Variants in PCDHA6 observed in about 807,000 individuals in gnomAD.
The protein encoded by PCDHA6 is protocadherin alpha 6, also known as protocadherin alpha-6.
Under a neutral mutation model 60.3 loss-of-function variants are expected in PCDHA6, and 55 were observed. The ratio of observed to expected loss-of-function variants is 0.91; its 90% CI spans 0.73 to 1.14. The LOEUF is 1.14. Ranked by LOEUF, PCDHA6 falls within the 50% of genes most tolerant of loss-of-function variation. PCDHA6 has a pLI of 0.00. For synonymous variants in PCDHA6, 652 were observed against 557.9 expected (o/e 1.17, Z -2.38); for missense variants, 1,327 against 1,256.5 (o/e 1.06, Z -0.85).
intron 3 of PCDHA6, among the ~76,000 whole-genome samples, chr5:141,001,985 G>A (rs536683790): frequency 6.6e-5 from 10 of 152,194 alleles, no homozygotes; most frequent in Non-Finnish European, 1.5e-4. Flanking sequence ...GGAAAGCCTG[G>A]AAGTTCACTT....
chr5:140,987,904 G>A (rs115515462), intron 3 of PCDHA6, among the ~76,000 whole-genome samples: 1 of 151,734 alleles, frequency 6.6e-6, no homozygotes, highest in African/African-American at 2.4e-5. Context: ...TTTTATATGG[G>A]GATTTATATT....
chr5:140,940,045 G>T (rs2092536047), intron 1 of PCDHA6, among the ~76,000 whole-genome samples: 1 of 152,038 alleles, frequency 6.6e-6, no homozygotes, highest in African/African-American at 2.4e-5. Flanking sequence ...TATTTTATTA[G>T]ATTCTTAACC....
At chr5:141,006,216 A>T (rs6897376) in intron 3 of PCDHA6, among the ~76,000 whole-genome samples, 45,154 of 145,800 alleles carry the variant, frequency 0.31, 6,982 homozygotes, top group East Asian at 0.44. Context: ...ATTTTTTTTT[A>T]AATTTTTTAT....
chr5:140,926,358 A>C (rs1157995876), intron 1 of PCDHA6: 1 of 152,230 alleles, frequency 6.6e-6, no homozygotes, highest in Non-Finnish European at 1.5e-5. Context: ...CGGCTCCCAA[A>C]GGGCGGCAGG....
At position 140,850,257 on chromosome 5, in the gene PCDHA6, G is replaced by A. The variant is rs1371110095; in HGVS notation, c.2394+19772G>A. ...GATGGTGCTGCGGTCGGTGGGCGCC[G>A]GCGTAGTGGTGGGGAAGGTGCGCGC... On this transcript the variant is annotated intron_variant, in intron 1 of 3. Coordinates refer to ENST00000529310, the MANE Select transcript of PCDHA6 (RefSeq NM_018909.4). The A allele has an allele frequency of 6.3e-6, 10 of 1,594,146 alleles. 2 individuals are homozygous for A. Among genetic ancestry groups the A allele is most frequent in the African/African-American group, 1.3e-5 (1 of 74,268 alleles).
At chr5:140,915,466 T>C (rs2077134247) in intron 1 of PCDHA6, among the ~76,000 whole-genome samples, 1 of 152,176 alleles carries the variant, frequency 6.6e-6, no homozygotes, top group South Asian at 2.1e-4. Context: ...AGGTTTTTAT[T>C]TGAAGGAGCT....
intron 3 of PCDHA6, among the ~76,000 whole-genome samples, chr5:141,008,574 A>G (rs1554261815): frequency 1.3e-5 from 2 of 152,164 alleles, no homozygotes; most frequent in Admixed American, 1.3e-4. Context: ...TCATTTTCCC[A>G]AGACTCAGGG....
intron 1 of PCDHA6, chr5:140,876,998 C>T: frequency 6.2e-7 from 1 of 1,612,502 alleles, no homozygotes; most frequent in South Asian, 1.1e-5. Flanking sequence ...AGCTACGTGT[C>T]GGTGCACGCG....
chr5:140,958,900 C>T (rs246008), intron 1 of PCDHA6, among the ~76,000 whole-genome samples: 85,461 of 151,702 alleles, frequency 0.56, 24,676 homozygotes, highest in African/African-American at 0.69. Flanking sequence ...ATAATAGATA[C>T]AGAAAAGTCT....
At chr5:140,866,557 A>G (rs1554160392) in intron 1 of PCDHA6, 1 of 152,136 alleles carries the variant, frequency 6.6e-6, no homozygotes, top group Non-Finnish European at 1.5e-5. Context: ...TAAATCCTAT[A>G]ATTTTGTTAA....
At chr5:140,836,780 T>G in intron 1 of PCDHA6, 1 of 1,484,830 alleles carries the variant, frequency 6.7e-7, no homozygotes, top group East Asian at 2.3e-5. Flanking sequence ...TTTAAAACAA[T>G]TAGTTCAATT....
intron 1 of PCDHA6, chr5:140,848,965 C>G: frequency 6.2e-7 from 1 of 1,606,280 alleles, no homozygotes; most frequent in Non-Finnish European, 8.5e-7. Context: ...CTAGAGGGCG[C>G]GTCCGATGCA....
At chr5:140,842,621 T>C in intron 1 of PCDHA6, 1 of 1,576,496 alleles carries the variant, frequency 6.3e-7, no homozygotes, top group East Asian at 2.2e-5. Flanking sequence ...GGGCTCGCCT[T>C]CGCTGTGGGC....
At chr5:140,978,240 C>T (rs1290697340) in intron 1 of PCDHA6, among the ~76,000 whole-genome samples, 3 of 152,174 alleles carry the variant, frequency 2.0e-5, no homozygotes, top group African/African-American at 7.2e-5. Context: ...TGGATTTCAG[C>T]TACTCCCTGT....
At chr5:140,868,805 C>T (rs1316864299) in intron 1 of PCDHA6, 7 of 356,302 alleles carry the variant, frequency 2.0e-5, no homozygotes, top group African/African-American at 1.4e-4. Context: ...TAAATAAGCA[C>T]GTTGGAAATA....
intron 3 of PCDHA6, among the ~76,000 whole-genome samples, chr5:140,986,901 A>G (rs1289100953): frequency 6.6e-6 from 1 of 152,134 alleles, no homozygotes; most frequent in Non-Finnish European, 1.5e-5. Context: ...GCCCTATCCT[A>G]GACTAATGAA....
rs2150163807 is a variant in PCDHA6, at chr5:140,829,203, T to G, written c.1112T>G (p.Leu371Arg). 22 of 1,614,238 alleles carry G rather than the reference T, an allele frequency of 1.4e-5. No homozygotes were observed. In the South Asian group the frequency reaches 1.5e-4, roughly 11 times the overall value. Residue 371 changes from leucine to arginine, a missense_variant, in exon 1 of 4, where the codon CTA becomes CGA. Coordinates refer to ENST00000529310, the MANE Select transcript of PCDHA6 (RefSeq NM_018909.4). ...GCTCAATTTGGTACTGTCATCGCCCTAATTAGCGTGAACGACCTCGATTCA... is the reference window on the plus strand; with the variant it reads ...GCTCAATTTGGTACTGTCATCGCCCGAATTAGCGTGAACGACCTCGATTCA... ...EDAQFGTVIA[L>R]ISVNDLDSGA...
chr5:140,891,234 G>A (rs1477518444), intron 1 of PCDHA6, among the ~76,000 whole-genome samples: 2 of 151,932 alleles, frequency 1.3e-5, no homozygotes, highest in Non-Finnish European at 2.9e-5. Context: ...ATCCTGTTCT[G>A]GATTCAGTAG....
In PCDHA6 at chr5:140,969,225, C is replaced by T. The variant is rs782766938; in HGVS notation, c.2395-9724C>T. 22 of 1,614,118 alleles carry T rather than the reference C, an allele frequency of 1.4e-5. No homozygotes were observed. Among genetic ancestry groups the T allele is most frequent in the East Asian group, 1.3e-4 (6 of 44,872 alleles). Reference sequence around the variant, plus strand: ...GGGGCCCAGACAGGACCAGGGCCTTCGGGAGCCCAAGCAGCAGTGACTGAC... The same window carrying T: ...GGGGCCCAGACAGGACCAGGGCCTTTGGGAGCCCAAGCAGCAGTGACTGAC... On this transcript the variant is annotated intron_variant, in intron 1 of 3. Coordinates refer to ENST00000529310, the MANE Select transcript of PCDHA6 (RefSeq NM_018909.4).
Sources: gnomAD v4.1 joint callset for allele counts (sites outside exome capture counted in the v4.1 genomes callset) on GRCh38, gnomAD v4.1.1 for gene constraint, MANE v1.5 for transcripts, NCBI Gene and HGNC (gene_info 2026-07-23, HGNC 2026-07-21) for gene names.